The following ZFHX3 variants were observed in gnomAD, a reference collection of about 807,000 sequenced individuals.
ZFHX3 encodes the protein zinc finger homeobox 3.
A neutral mutation model predicts 279.1 loss-of-function variants in ZFHX3; 42 were observed. That is an observed-to-expected ratio of 0.15 (90% confidence interval 0.12 to 0.19). ZFHX3 has a LOEUF of 0.19. Ranked by LOEUF, ZFHX3 falls within the 10% of genes least tolerant of loss-of-function variation. The pLI, the probability that ZFHX3 is intolerant of heterozygous loss-of-function variation, is 1.00. For missense variants in ZFHX3, 4,981 were observed against 4,754.0 expected, an observed-to-expected ratio of 1.05 and a Z score of -1.40; for synonymous variants, 2,293 against 1,957.8, an observed-to-expected ratio of 1.17 and a Z score of -4.52.
chr16:73,695,496 G>C (rs888091662), intron 1 of ZFHX3, among the ~76,000 whole-genome samples: 2 of 152,138 alleles, frequency 1.3e-5, no homozygotes, highest in Non-Finnish European at 2.9e-5. Flanking sequence ...GCTTGCCCAA[G>C]ACCACAGAAC....
intron 5 of ZFHX3, among the ~76,000 whole-genome samples, chr16:73,157,580 C>T (rs1597190470): frequency 2.0e-5 from 3 of 151,528 alleles, no homozygotes; most frequent in Admixed American, 6.6e-5. Flanking sequence ...TATCCCTTAG[C>T]AGTTCATTGT....
chr16:73,599,605 A>G (rs1442483078), intron 2 of ZFHX3, among the ~76,000 whole-genome samples: 1 of 152,114 alleles, frequency 6.6e-6, no homozygotes, highest in Non-Finnish European at 1.5e-5. Flanking sequence ...TGGATTGCAA[A>G]TTGCTTTGGA....
intron 2 of ZFHX3, among the ~76,000 whole-genome samples, chr16:73,629,127 A>T (rs9972764): frequency 6.6e-6 from 1 of 152,176 alleles, no homozygotes; most frequent in African/African-American, 2.4e-5. Flanking sequence ...TATCAATAGC[A>T]AGCCATTCCT....
At chr16:73,107,729 T>C (rs1389962148) in intron 7 of ZFHX3, among the ~76,000 whole-genome samples, 1 of 152,190 alleles carries the variant, frequency 6.6e-6, no homozygotes, top group Non-Finnish European at 1.5e-5. Flanking sequence ...TCAAGAATGA[T>C]GATAATGGGC....
At chr16:73,359,652 G>A (rs141724876) in intron 3 of ZFHX3, among the ~76,000 whole-genome samples, 54 of 152,306 alleles carry the variant, frequency 3.5e-4, no homozygotes, top group African/African-American at 1.1e-3. Context: ...CAGCCCTGCC[G>A]GACCAGCTGT....
rs1374726770 is a variant in ZFHX3 at position 72,787,301 on chromosome 16, C to T, written c.10975G>A (p.Asp3659Asn). Residue 3659 changes from aspartate (D) to asparagine (N), a missense_variant, in exon 10 of 10, where the codon GAC becomes AAC. Asp to Asn is a conservative substitution (Grantham distance 23). Transcript: ENST00000268489. ...TCCGTGTCAGACTCCTCCGAATAGTCGTCTGTTGGCATCGAGGGCTGAACC... is the reference window on the plus strand; with the variant it reads ...TCCGTGTCAGACTCCTCCGAATAGTTGTCTGTTGGCATCGAGGGCTGAACC... Reference protein sequence around the residue: ...SGVQPSMPTDDYSEESDTDLS... With the variant: ...SGVQPSMPTDNYSEESDTDLS... 2.5e-6 allele frequency: 4 copies of T among 1,613,930 alleles called. No individual in the cohort carries two copies. The highest frequency in any genetic ancestry group is 1.7e-6 in the Non-Finnish European group (2 of 1,180,000).
At chr16:73,537,745 G>C (rs984503902) in intron 2 of ZFHX3, among the ~76,000 whole-genome samples, 1 of 152,184 alleles carries the variant, frequency 6.6e-6, no homozygotes, top group Non-Finnish European at 1.5e-5. Context: ...TTCTTCAGGA[G>C]TCCCATGAAA....
At chr16:73,444,495 G>A (rs1597337736) in intron 3 of ZFHX3, among the ~76,000 whole-genome samples, 1 of 152,154 alleles carries the variant, frequency 6.6e-6, no homozygotes, top group South Asian at 2.1e-4. Context: ...AGGTCAGATA[G>A]TTCACACAGC....
At chr16:73,288,165 C>T (rs1003892794) in intron 4 of ZFHX3, among the ~76,000 whole-genome samples, 4 of 151,174 alleles carry the variant, frequency 2.6e-5, no homozygotes, top group African/African-American at 7.3e-5. Context: ...TGCCTGTCAC[C>T]CCATGGAGGG....
At chr16:73,377,519 A>G (rs1426803294) in intron 3 of ZFHX3, among the ~76,000 whole-genome samples, 1 of 152,112 alleles carries the variant, frequency 6.6e-6, no homozygotes, top group African/African-American at 2.4e-5. Flanking sequence ...ATTGGAAATC[A>G]ATGTGTAAAG....
intron 2 of ZFHX3, 77 bp downstream of exon 2, chr16:72,957,350 G>T: frequency 2.7e-6 from 4 of 1,490,272 alleles, no homozygotes; most frequent in Non-Finnish European, 3.6e-6. Flanking sequence ...GAATCCACAG[G>T]ACTATCTCAC....
Position 73,032,756 on chromosome 16 carries a change from C to G in ZFHX3, c.-50+14996G>C, listed in dbSNP as rs114578189. ...GGACTTTCTTTTCCTCCTCCTCCCC[C>G]CAGCAGGTTAAAGACCTGCTAGTTA... is the stretch of plus-strand genomic sequence containing the variant. On this transcript the variant is annotated intron_variant, in intron 1 of 9. Coordinates refer to ENST00000268489, the MANE Select transcript of ZFHX3 (RefSeq NM_006885.4). Among the ~76,000 whole-genome samples the G allele has an allele frequency of 6.6e-3, 1,005 of 152,280 alleles. 15 individuals are homozygous for G. The highest frequency in any genetic ancestry group is 0.023 in the African/African-American group (966 of 41,556).
At chr16:73,295,390 T>A (rs935666989) in intron 4 of ZFHX3, among the ~76,000 whole-genome samples, 4 of 152,226 alleles carry the variant, frequency 2.6e-5, no homozygotes, top group Non-Finnish European at 4.4e-5. Context: ...TGGCTGGGCA[T>A]TTGCTGGTTT....
chr16:72,982,081 C>T (rs1358875943), intron 1 of ZFHX3, among the ~76,000 whole-genome samples: 2 of 151,996 alleles, frequency 1.3e-5, no homozygotes, highest in African/African-American at 2.4e-5. Flanking sequence ...CAGGGTTTCA[C>T]CATGTTGGCC....
chr16:73,027,261 A>T (rs1022055779), intron 1 of ZFHX3, among the ~76,000 whole-genome samples: 3 of 152,154 alleles, frequency 2.0e-5, no homozygotes, highest in African/African-American at 7.2e-5. Flanking sequence ...TTGCTGGGAG[A>T]CTTCTCAATA....
At chr16:72,930,286 G>A (rs79848337) in intron 3 of ZFHX3, among the ~76,000 whole-genome samples, 6,184 of 151,944 alleles carry the variant, frequency 0.041, 299 homozygotes, top group African/African-American at 0.1. Flanking sequence ...ACAGCTTCTC[G>A]CCCATTTTTG....
chr16:72,850,975 G>A (rs916347850), intron 4 of ZFHX3, among the ~76,000 whole-genome samples: 3 of 152,106 alleles, frequency 2.0e-5, no homozygotes, highest in African/African-American at 7.2e-5. Flanking sequence ...TGGTGACAGG[G>A]CCCAGGAGCC....
At chr16:73,193,447 G>C (rs972219172) in intron 5 of ZFHX3, among the ~76,000 whole-genome samples, 1 of 152,214 alleles carries the variant, frequency 6.6e-6, no homozygotes, top group African/African-American at 2.4e-5. Flanking sequence ...TGCTCAACCA[G>C]CTCTGCTGCT....
rs1961374282 is a variant in ZFHX3, at chr16:72,958,439, A to G, written c.1707T>C (p.Arg569=). 1 of 1,614,050 alleles carries G rather than the reference A, an allele frequency of 6.2e-7. No homozygotes were observed. The highest frequency in any genetic ancestry group is 1.3e-5 in the African/African-American group (1 of 74,914). The change falls in exon 2 of 10, where the codon CGT becomes CGC. Residue 569 remains arginine (R), a synonymous_variant. Coordinates refer to ENST00000268489, the MANE Select transcript of ZFHX3 (RefSeq NM_006885.4). ...TGACGCCCTCACTGTTAAAGCTTAAACGATTCCTCCTGTTCGCACCATCAA... is the reference window on the plus strand; with the variant it reads ...TGACGCCCTCACTGTTAAAGCTTAAGCGATTCCTCCTGTTCGCACCATCAA... ...VVFDGANRRN[R]LSFNSEGVRA...
Sources: allele counts gnomAD v4.1 joint callset (sites outside exome capture counted in the v4.1 genomes callset), GRCh38; gene constraint gnomAD v4.1.1; transcripts MANE v1.5; gene names NCBI Gene and HGNC (gene_info 2026-07-23, HGNC 2026-07-21).